Variants in AP1AR observed in about 807,000 individuals in gnomAD.
AP1AR encodes AP-1 complex-associated regulatory protein.
A neutral mutation model predicts 46.3 loss-of-function variants in AP1AR; 29 were observed. That is an observed-to-expected ratio of 0.63 (90% CI 0.47 to 0.85). The LOEUF (loss-of-function observed/expected upper bound fraction) is 0.85, where lower values mean the gene tolerates loss of function less well. AP1AR is among the 40% of genes least tolerant of loss of function. The probability of loss-of-function intolerance (pLI) is 0.00; values close to 1 mark genes in which losing one functional copy is unlikely to be tolerated. For missense variants in AP1AR, 357 were observed against 356.3 expected (o/e 1.00, Z -0.02); for synonymous variants, 122 against 122.9 (o/e 0.99, Z 0.05).
chr4:112,256,313 C>T (rs1399495030), intron 3 of AP1AR, among the ~76,000 whole-genome samples: 3 of 152,182 alleles, frequency 2.0e-5, no homozygotes, highest in African/African-American at 4.8e-5. Context: ...TCTTTCCCTT[C>T]GCAGAGGTCA....
intron 1 of AP1AR, among the ~76,000 whole-genome samples, chr4:112,233,624 T>G (rs1278958651): frequency 6.6e-6 from 1 of 152,212 alleles, no homozygotes; most frequent in Admixed American, 6.5e-5. Flanking sequence ...GTACTTACAT[T>G]CTAAATGGAT....
At chr4:112,254,832 T>C in intron 3 of AP1AR, 59 bp downstream of exon 3, 1 of 869,822 alleles carries the variant, frequency 1.1e-6, no homozygotes, top group Middle Eastern at 2.8e-4. Context: ...ATCGTCTCAT[T>C]AGTTCTAACA....
rs1726933665 is a variant in AP1AR at position 112,271,127 on chromosome 4, C to T, written c.*2718C>T. 6.6e-6 allele frequency among the ~76,000 whole-genome samples: 1 copy of T among 152,182 alleles called. No homozygotes were observed. On this transcript the variant is annotated 3_prime_UTR_variant, in exon 10 of 10. Coordinates refer to ENST00000274000, the MANE Select transcript of AP1AR (RefSeq NM_018569.6). ...CTGGCATGGTGCCGTGGCTACCTTG[C>T]TCACTGCACATAGTCCACGTAGGCA...
chr4:112,261,456 A>C (rs1358675378), intron 5 of AP1AR, among the ~76,000 whole-genome samples: 1 of 152,010 alleles, frequency 6.6e-6, no homozygotes, highest in Non-Finnish European at 1.5e-5. Context: ...AACAAAAGCA[A>C]ATTTTTAAAA....
intron 1 of AP1AR, among the ~76,000 whole-genome samples, chr4:112,236,955 A>G (rs938756284): frequency 2.0e-5 from 3 of 152,198 alleles, no homozygotes; most frequent in East Asian, 1.9e-4. Context: ...ATAACTTACT[A>G]TCCTCCCAAC....
intron 4 of AP1AR, among the ~76,000 whole-genome samples, chr4:112,259,194 A>G (rs1442577656): frequency 6.6e-6 from 1 of 152,208 alleles, no homozygotes; most frequent in African/African-American, 2.4e-5. Context: ...TGTATTTGGC[A>G]ACATAGAAGC....
intron 2 of AP1AR, among the ~76,000 whole-genome samples, chr4:112,253,569 A>T (rs899721639): frequency 2.6e-5 from 4 of 152,192 alleles, no homozygotes; most frequent in African/African-American, 9.7e-5. Flanking sequence ...CTGCCCCAGC[A>T]GGGGGGAGTC....
intron 1 of AP1AR, among the ~76,000 whole-genome samples, chr4:112,245,309 C>A (rs997651797): frequency 3.9e-5 from 6 of 152,070 alleles, no homozygotes; most frequent in African/African-American, 1.4e-4. Context: ...AATTAGCGCA[C>A]TTTTAGATTC....
At chr4:112,249,044 G>T (rs1376619016) in intron 1 of AP1AR, among the ~76,000 whole-genome samples, 1 of 151,670 alleles carries the variant, frequency 6.6e-6, no homozygotes, top group African/African-American at 2.4e-5. Context: ...TGTAATCCCA[G>T]CACTTTAGGA....
intron 1 of AP1AR, 101 bp from the exon 2 acceptor site, chr4:112,253,107 T>A: frequency 1.2e-6 from 1 of 828,424 alleles, no homozygotes; most frequent in Non-Finnish European, 1.8e-6. Context: ...ATGTTAGAGA[T>A]TTTAAAGTTG....
At chr4:112,238,463 TG>T (rs2110466558) in intron 1 of AP1AR, among the ~76,000 whole-genome samples, 1 of 152,222 alleles carries the variant, frequency 6.6e-6, no homozygotes, top group East Asian at 1.9e-4. Flanking sequence ...TAATATATAT[TG>T]CTAAAATATA....
At chr4:112,241,510 C>CT (rs1725497309) in intron 1 of AP1AR, among the ~76,000 whole-genome samples, 1 of 152,158 alleles carries the variant, frequency 6.6e-6, no homozygotes, top group South Asian at 2.1e-4. Context: ...TTCAACCTTC[C>CT]TTCAGCTTTT....
At position 112,263,036 on chromosome 4, in the gene AP1AR, G is replaced by A. The variant is rs770203607; in HGVS notation, c.331G>A (p.Ala111Thr). Residue 111 changes from alanine (A) to threonine (T), a missense_variant, in exon 6 of 10, where the codon GCT becomes ACT. By Grantham distance (58) the Ala-to-Thr change is moderately conservative. Coordinates refer to ENST00000274000, the MANE Select transcript of AP1AR (RefSeq NM_018569.6). ...KLRLEEEALY[A>T]AQREAARAAK... ...AAGACTAGAAGAAGAAGCTTTATAC[G>A]CTGCACAGCGTGAAGCAGCCAGGGC... The A allele has an allele frequency of 6.1e-5, 99 of 1,613,748 alleles. No individual in the cohort carries two copies. Among genetic ancestry groups the A allele is most frequent in the Non-Finnish European group, 8.1e-5 (95 of 1,179,798 alleles).
In AP1AR at chr4:112,269,294, T is replaced by C. The variant is rs1270432547; in HGVS notation, c.*885T>C. ...AAAATCTAAAAAGGTAATACGGGTA[T>C]TTCAAATAAAATCCTTTCTGGTATG... On this transcript the variant is annotated 3_prime_UTR_variant, in exon 10 of 10. Coordinates refer to ENST00000274000, the MANE Select transcript of AP1AR (RefSeq NM_018569.6). 6.6e-6 allele frequency: 1 copy of C among 152,288 alleles called. No individual in the cohort carries two copies. The highest frequency in any genetic ancestry group is 1.5e-5 in the Non-Finnish European group (1 of 67,842). 9.4% of individuals were successfully genotyped at this position (152,288 alleles called of 1,614,324 possible). A position where few individuals can be genotyped will look rare whatever the true frequency, so the allele number is the denominator to read the frequency against.
rs746705195 is a variant in AP1AR at position 112,260,742 on chromosome 4, TCTC to T, written c.186-15_186-13del. On this transcript the variant is annotated intron_variant, in intron 4 of 9. Coordinates refer to ENST00000274000, the MANE Select transcript of AP1AR (RefSeq NM_018569.6). Reference sequence around the variant, plus strand: ...ATCAGAAGTTTTTGTTTTTTCTTTTTCTCCTCCTCCTTTTTTTCTCTAGGCCTC... The same window carrying T: ...ATCAGAAGTTTTTGTTTTTTCTTTTTCTCCTCCTTTTTTTCTCTAGGCCTC... The T allele has an allele frequency of 1.0e-5, 15 of 1,492,232 alleles. No homozygotes were observed. In the Admixed American group the frequency reaches 2.4e-4, roughly 24 times the overall value. 92.4% of individuals were successfully genotyped at this position (1,492,232 alleles called of 1,614,324 possible). A position where few individuals can be genotyped will look rare whatever the true frequency, so the allele number is the denominator to read the frequency against.
intron 1 of AP1AR, among the ~76,000 whole-genome samples, chr4:112,250,979 A>T (rs1725936726): frequency 6.6e-6 from 1 of 152,190 alleles, no homozygotes; most frequent in Non-Finnish European, 1.5e-5. Flanking sequence ...AGAATTTGTA[A>T]TAGGGATGTT....
In AP1AR at chr4:112,260,810, A is replaced by C; in HGVS notation, c.230A>C (p.Tyr77Ser). ...ATTGTTGACCTAAGAGAAAGGCATT[A>C]TGATTCCATTGCCGAAAAACAAAAA... is the stretch of plus-strand genomic sequence containing the variant. Reference protein sequence around the residue: ...EEIVDLRERHYDSIAEKQKDL... With the variant: ...EEIVDLRERHSDSIAEKQKDL... The change falls in exon 5 of 10, where the codon TAT becomes TCT. Residue 77 changes from tyrosine to serine, a missense_variant. Transcript: ENST00000274000. The C allele has an allele frequency of 6.2e-7, 1 of 1,607,580 alleles. No homozygotes were observed. Among genetic ancestry groups the C allele is most frequent in the Middle Eastern group, 1.7e-4 (1 of 5,848 alleles).
rs542719687 is a variant in AP1AR, at chr4:112,237,678, C to T, written c.83+5504C>T. On this transcript the variant is annotated intron_variant, in intron 1 of 9. Coordinates refer to ENST00000274000, the MANE Select transcript of AP1AR (RefSeq NM_018569.6). ...TTCACCATGTTGCCCATGCTGGTCT[C>T]GAACTCCTGAACTCAAGTGATCTGC... Among the ~76,000 whole-genome samples the T allele has an allele frequency of 4.6e-5, 7 of 151,928 alleles. No homozygotes were observed. In the South Asian group the frequency reaches 1.5e-3, roughly 32 times the overall value.
At chr4:112,246,892 T>G (rs1725747476) in intron 1 of AP1AR, among the ~76,000 whole-genome samples, 1 of 152,188 alleles carries the variant, frequency 6.6e-6, no homozygotes, top group Admixed American at 6.5e-5. Context: ...CTATTTTGTA[T>G]TCTTCTGTTT....
Sources: gnomAD v4.1 joint callset for allele counts (sites outside exome capture counted in the v4.1 genomes callset) on GRCh38, gnomAD v4.1.1 for gene constraint, MANE v1.5 for transcripts, NCBI Gene and HGNC (gene_info 2026-07-23, HGNC 2026-07-21) for gene names.